ARMC8: variants seen among roughly 807,000 people sequenced by gnomAD.
The protein encoded by ARMC8 is armadillo repeat-containing protein 8.
In ARMC8, 20 loss-of-function variants were observed where a neutral mutation model predicts 99.3. The observed-to-expected ratio is 0.20, with a 90% CI of 0.14 to 0.29. ARMC8 has a LOEUF of 0.29. Ranked by LOEUF, ARMC8 falls within the 10% of genes least tolerant of loss-of-function variation. The pLI, the probability that ARMC8 is intolerant of heterozygous loss-of-function variation, is 1.00. For missense variants in ARMC8, 569 were observed against 809.5 expected, an observed-to-expected ratio of 0.70 and a Z score of 3.60; for synonymous variants, 263 against 278.3, an observed-to-expected ratio of 0.95 and a Z score of 0.55.
chr3:138,269,689 G>A (rs1468910955), intron 15 of ARMC8, among the ~76,000 whole-genome samples: 1 of 152,168 alleles, frequency 6.6e-6, no homozygotes, highest in Non-Finnish European at 1.5e-5. Flanking sequence ...AGCGAAAGAT[G>A]AGAGTGGGGA....
chr3:138,252,844 A>C (rs2047209346), intron 12 of ARMC8, among the ~76,000 whole-genome samples: 1 of 149,488 alleles, frequency 6.7e-6, no homozygotes, highest in Non-Finnish European at 1.5e-5. Flanking sequence ...TGGCATATAG[A>C]AAGAAACAGG....
At chr3:138,229,166 ATATATATATATATATATG>A (rs61333593) in intron 6 of ARMC8, 156 bp downstream of exon 6, 12,557 of 75,564 alleles carry the variant, frequency 0.17, 1,146 homozygotes, top group East Asian at 0.28. Flanking sequence ...ATATATATAT[ATATATATATATATATATG>A]TATATGTATA....
intron 1 of ARMC8, among the ~76,000 whole-genome samples, chr3:138,200,433 A>C (rs74853933): frequency 6.6e-6 from 1 of 152,176 alleles, no homozygotes; most frequent in East Asian, 1.9e-4. Flanking sequence ...TCGATTGTAC[A>C]TTAAAATGGT....
Position 138,229,156 on chromosome 3 carries a change from ATATATATATATATATATATATATATATG to A in ARMC8, c.528+152_528+179del, listed in dbSNP as rs1280767721. On this transcript the variant is annotated intron_variant, in intron 6 of 21. Coordinates refer to ENST00000469044, the MANE Select transcript of ARMC8 (RefSeq NM_001363941.2). Reference sequence around the variant, plus strand: ...CGTGTATATATATATATATATATATATATATATATATATATATATATATATATGTATATGTATATGTATATGTATATAT... The same window carrying A: ...CGTGTATATATATATATATATATATATATATGTATATGTATATGTATATAT... The A allele has an allele frequency of 9.4e-4, 61 of 64,694 alleles. 2 individuals are homozygous for A. The highest frequency in any genetic ancestry group is 4.1e-3 in the East Asian group (6 of 1,468). The allele number at this position is 64,694 out of a possible 1,614,324, so 4.0% of individuals were successfully genotyped here.
intron 12 of ARMC8, chr3:138,246,851 A>T: frequency 1.1e-6 from 1 of 945,094 alleles, no homozygotes; most frequent in Non-Finnish European, 1.3e-6. Flanking sequence ...TTCTGTAGAA[A>T]GATGACAAAT....
At chr3:138,188,623 C>A (rs2043207567) in intron 1 of ARMC8, 3 of 1,493,576 alleles carry the variant, frequency 2.0e-6, no homozygotes, top group African/African-American at 1.4e-5. Flanking sequence ...CAGTCTGATA[C>A]TGAGAGGGTA....
chr3:138,239,612 C>A, intron 10 of ARMC8, 84 bp downstream of exon 10: 1 of 848,354 alleles, frequency 1.2e-6, no homozygotes, highest in Non-Finnish European at 1.9e-6. Context: ...TTTCATTTTA[C>A]ACATTTATCA....
chr3:138,208,677 G>A (rs912173669), intron 1 of ARMC8, among the ~76,000 whole-genome samples: 31 of 152,102 alleles, frequency 2.0e-4, no homozygotes, highest in African/African-American at 6.5e-4. Context: ...AACGGCGGGG[G>A]AGTATATAAA....
intron 18 of ARMC8, among the ~76,000 whole-genome samples, chr3:138,282,837 GC>G (rs1489012489): frequency 2.0e-5 from 3 of 152,042 alleles, no homozygotes; most frequent in Non-Finnish European, 4.4e-5. Flanking sequence ...GCTCATGTCT[GC>G]CCCTTCATAA....
chr3:138,267,781 A>C (rs2048409326), intron 15 of ARMC8, among the ~76,000 whole-genome samples: 1 of 152,174 alleles, frequency 6.6e-6, no homozygotes, highest in African/African-American at 2.4e-5. Context: ...TTAATGAAGA[A>C]GGGGAAAACC....
chr3:138,242,237 A>G (rs1315070468), intron 11 of ARMC8, among the ~76,000 whole-genome samples: 1 of 152,174 alleles, frequency 6.6e-6, no homozygotes, highest in Non-Finnish European at 1.5e-5. Context: ...CTAAACCTCA[A>G]AAGTAGTGGA....
Position 138,188,356 on chromosome 3 carries a change from G to A in ARMC8, c.45+757G>A, listed in dbSNP as rs1576548218. On this transcript the variant is annotated intron_variant, in intron 1 of 21. Coordinates refer to ENST00000469044, the MANE Select transcript of ARMC8 (RefSeq NM_001363941.2). ...CATTGTTGAAAGAAGGGAACGTATT[G>A]ACATGCCAGGAAGTAAAACCTGTTT... is the stretch of plus-strand genomic sequence containing the variant. 2.9e-6 allele frequency: 4 copies of A among 1,394,222 alleles called. No individual in the cohort carries two copies. In the East Asian group the frequency reaches 7.6e-5, roughly 27 times the overall value. 86.4% of individuals were successfully genotyped at this position (1,394,222 alleles called of 1,614,324 possible). A position where few individuals can be genotyped will look rare whatever the true frequency, so the allele number is the denominator to read the frequency against.
intron 1 of ARMC8, among the ~76,000 whole-genome samples, chr3:138,204,421 A>G (rs1290189448): frequency 6.6e-6 from 1 of 152,082 alleles, no homozygotes; most frequent in Non-Finnish European, 1.5e-5. Flanking sequence ...GCATGCTCCA[A>G]TTTATTCTGT....
chr3:138,290,410 G>C, intron 20 of ARMC8, 136 bp from the exon 21 acceptor site: 1 of 643,550 alleles, frequency 1.6e-6, no homozygotes, highest in East Asian at 2.8e-5. Context: ...CAACTACATT[G>C]GGAGAGGGTA....
At chr3:138,249,231 A>G (rs769989854) in intron 12 of ARMC8, among the ~76,000 whole-genome samples, 3 of 152,172 alleles carry the variant, frequency 2.0e-5, no homozygotes, top group Non-Finnish European at 4.4e-5. Context: ...CTCACTAGCA[A>G]TTCTGTCTGT....
intron 2 of ARMC8, among the ~76,000 whole-genome samples, chr3:138,214,141 T>TTTTTG (rs1324390236): frequency 8.0e-5 from 12 of 150,858 alleles, no homozygotes; most frequent in Non-Finnish European, 1.6e-4. Flanking sequence ...CACAGAGTTG[T>TTTTTG]TTTTGTTTTG....
chr3:138,275,058 C>G lies in ARMC8; in HGVS notation c.1725+514C>G, dbSNP rs547399060. On this transcript the variant is annotated intron_variant, in intron 18 of 21. Transcript: ENST00000469044. ...CAAGTTAAGGGTAGGTATTAAAGTA[C>G]GAAGCTGTGCATTTATCAGGACAGT... Among the ~76,000 whole-genome samples, 3 of 152,180 alleles carry G rather than the reference C, an allele frequency of 2.0e-5. No individual in the cohort carries two copies. In the East Asian group the frequency reaches 5.8e-4, roughly 29 times the overall value.
intron 18 of ARMC8, among the ~76,000 whole-genome samples, chr3:138,274,833 C>G (rs1322248788): frequency 6.6e-6 from 1 of 152,156 alleles, no homozygotes; most frequent in Non-Finnish European, 1.5e-5. Context: ...TGGAATGAAT[C>G]CTTTTTCCAG....
At chr3:138,262,635 C>G (rs771398840) in intron 12 of ARMC8, 56 of 1,513,374 alleles carry the variant, frequency 3.7e-5, no homozygotes, top group Non-Finnish European at 4.9e-5. Flanking sequence ...AGCCCTGACC[C>G]TGGAGAATCT....
Sources: gnomAD v4.1 joint callset for allele counts (sites outside exome capture counted in the v4.1 genomes callset) on GRCh38, gnomAD v4.1.1 for gene constraint, MANE v1.5 for transcripts, NCBI Gene and HGNC (gene_info 2026-07-23, HGNC 2026-07-21) for gene names.